The following UEVLD variants were observed in gnomAD, a reference collection of about 807,000 sequenced individuals.
UEVLD encodes UEV and lactate/malate dehyrogenase domains.
Under a neutral mutation model 58.6 loss-of-function variants are expected in UEVLD, and 47 were observed. The ratio of observed to expected loss-of-function variants is 0.80; its 90% CI spans 0.63 to 1.02. UEVLD has a LOEUF of 1.02. UEVLD is among the 50% of genes least tolerant of loss of function. The probability of loss-of-function intolerance (pLI) is 0.00; values close to 1 mark genes in which losing one functional copy is unlikely to be tolerated. For synonymous variants in UEVLD, 197 were observed against 195.3 expected, an observed-to-expected ratio of 1.01 and a Z score of -0.07; for missense variants, 510 against 550.6, an observed-to-expected ratio of 0.93 and a Z score of 0.74.
chr11:18,543,533 A>G (rs1851156221), intron 9 of UEVLD, among the ~76,000 whole-genome samples: 1 of 152,180 alleles, frequency 6.6e-6, no homozygotes, highest in African/African-American at 2.4e-5. Flanking sequence ...CAAACTCCAG[A>G]TGGCCTTTAT....
At chr11:18,533,917 G>C (rs2133950093) in intron 11 of UEVLD, among the ~76,000 whole-genome samples, 1 of 152,322 alleles carries the variant, frequency 6.6e-6, no homozygotes, top group African/African-American at 2.4e-5. Context: ...GCCTCCGAGT[G>C]CTGGGATTAC....
At chr11:18,566,546 T>G in intron 4 of UEVLD, 64 bp from the exon 5 acceptor site, 1 of 1,555,710 alleles carries the variant, frequency 6.4e-7, no homozygotes, top group Admixed American at 1.8e-5. Flanking sequence ...CTACCTTTGT[T>G]GAGGCAGGAG....
chr11:18,537,324 A>ATATAT lies in UEVLD; in HGVS notation c.1061-856_1061-855insATATA, dbSNP rs1160942409. 4.5e-3 allele frequency among the ~76,000 whole-genome samples: 588 copies of ATATAT among 131,548 alleles called. 7 individuals carry two copies. Among genetic ancestry groups the ATATAT allele is most frequent in the East Asian group, 0.013 (61 of 4,606 alleles). The allele number at this position is 131,548 out of a possible 152,430, so 86.3% of individuals were successfully genotyped here. ...TGGAAATTTCTTTATATATATATAT[A>ATATAT]TTTTTTTTTTTTTTTCTTTTTCTTT... On this transcript the variant is annotated intron_variant, in intron 9 of 11. Transcript: ENST00000396197.
intron 7 of UEVLD, 86 bp downstream of exon 7, chr11:18,558,142 C>CT (rs781479081): frequency 1.1e-6 from 1 of 911,434 alleles, no homozygotes; most frequent in Non-Finnish European, 1.6e-6. Context: ...ACAAGGTGAT[C>CT]TTTAAGGTGC....
chr11:18,572,660 T>G lies in UEVLD; in HGVS notation c.194-2283A>C, dbSNP rs915802765. 1.6e-4 allele frequency among the ~76,000 whole-genome samples: 25 copies of G among 152,046 alleles called. 1 individual carries two copies. The highest frequency in any genetic ancestry group is 5.1e-4 in the African/African-American group (21 of 41,488). On this transcript the variant is annotated intron_variant, in intron 3 of 11. Transcript: ENST00000396197. ...TCTCTATTAAAAATACAAAATTAGC[T>G]GGGCATGGTGGTGCACACCAGTAAT...
At chr11:18,586,225 AT>A (rs1853552336) in intron 1 of UEVLD, among the ~76,000 whole-genome samples, 1 of 150,980 alleles carries the variant, frequency 6.6e-6, no homozygotes, top group African/African-American at 2.4e-5. Context: ...ATTTTTTTTT[AT>A]TTTTTTGAGA....
intron 7 of UEVLD, among the ~76,000 whole-genome samples, chr11:18,553,517 A>T (rs1294821932): frequency 6.6e-6 from 1 of 152,156 alleles, no homozygotes; most frequent in Non-Finnish European, 1.5e-5. Flanking sequence ...TCACTTTTGG[A>T]TATACATCCA....
chr11:18,568,371 G>A (rs901981251), intron 4 of UEVLD, among the ~76,000 whole-genome samples: 16 of 152,156 alleles, frequency 1.1e-4, no homozygotes, highest in African/African-American at 2.2e-4. Flanking sequence ...AATACTACTC[G>A]AGGATAGTTT....
intron 7 of UEVLD, among the ~76,000 whole-genome samples, chr11:18,550,268 G>A (rs1851470851): frequency 1.3e-5 from 2 of 152,196 alleles, no homozygotes; most frequent in Admixed American, 6.5e-5. Context: ...TACTATAGGT[G>A]TATGCCACAG....
At chr11:18,578,502 T>C (rs1247954777) in intron 2 of UEVLD, among the ~76,000 whole-genome samples, 1 of 152,234 alleles carries the variant, frequency 6.6e-6, no homozygotes, top group African/African-American at 2.4e-5. Context: ...GTGTGTTTTT[T>C]AAAGCCACTA....
At chr11:18,553,154 CAAAAA>C (rs34297128) in intron 7 of UEVLD, among the ~76,000 whole-genome samples, 3 of 81,554 alleles carry the variant, frequency 3.7e-5, no homozygotes, top group East Asian at 3.6e-4. Context: ...GGTTCCGTCT[CAAAAA>C]AAAAAAAAAA....
intron 1 of UEVLD, among the ~76,000 whole-genome samples, chr11:18,586,854 C>A (rs779301833): frequency 6.6e-5 from 10 of 151,890 alleles, no homozygotes; most frequent in Admixed American, 1.3e-4. Context: ...TATGACGAAA[C>A]CTCGTCGCTA....
chr11:18,586,192 A>G (rs1853549681), intron 1 of UEVLD, among the ~76,000 whole-genome samples: 1 of 152,094 alleles, frequency 6.6e-6, no homozygotes, highest in African/African-American at 2.4e-5. Context: ...AATTATTTCT[A>G]AGTTTTAAAA....
chr11:18,544,933 C>T lies in UEVLD; in HGVS notation c.887-137G>A, dbSNP rs1033076279. On this transcript the variant is annotated intron_variant, in intron 8 of 11. Coordinates refer to ENST00000396197, the MANE Select transcript of UEVLD (RefSeq NM_001040697.4). ...GGCATTATATGTATATATATACACA[C>T]ACACATATATACATATATATACTAT... is the stretch of plus-strand genomic sequence containing the variant. 8.0e-6 allele frequency: 4 copies of T among 500,208 alleles called. No individual in the cohort carries two copies. The African/African-American group carries it at 8.2e-5, about 10-fold the overall frequency. 31.0% of individuals were successfully genotyped at this position (500,208 alleles called of 1,614,324 possible).
At chr11:18,540,272 C>CCTCCTT (rs1850998296) in intron 9 of UEVLD, among the ~76,000 whole-genome samples, 1 of 152,188 alleles carries the variant, frequency 6.6e-6, no homozygotes, top group Non-Finnish European at 1.5e-5. Context: ...ACCTCCTTCA[C>CCTCCTT]AGAGTGTTTA....
chr11:18,554,483 G>A (rs775075576), intron 7 of UEVLD, among the ~76,000 whole-genome samples: 8 of 140,384 alleles, frequency 5.7e-5, no homozygotes, highest in African/African-American at 8.1e-5. Context: ...TGCAACCTCC[G>A]CCTACCAGGT....
chr11:18,558,223 C>A lies in UEVLD; in HGVS notation c.715+5G>T, dbSNP rs751631264. ...GGCATACATCTTTAAGCAGAATAAA[C>A]AGACCTTTGCTGATCTCCACATTAG... On this transcript the variant is annotated splice_donor_5th_base_variant and intron_variant, in intron 7 of 11. Coordinates refer to ENST00000396197, the MANE Select transcript of UEVLD (RefSeq NM_001040697.4). 25 of 1,606,840 alleles carry A rather than the reference C, an allele frequency of 1.6e-5. No individual in the cohort carries two copies. The Admixed American group carries it at 4.1e-4, about 26-fold the overall frequency.
intron 8 of UEVLD, among the ~76,000 whole-genome samples, chr11:18,545,070 C>T (rs7116316): frequency 1.9e-5 from 2 of 103,472 alleles, no homozygotes; most frequent in Non-Finnish European, 4.2e-5. Flanking sequence ...ATATCTATAT[C>T]TATATTTTTT....
rs572945283 is a variant in UEVLD at position 18,529,964 on chromosome 11, C to T, written c.*2356G>A. On this transcript the variant is annotated 3_prime_UTR_variant, in exon 12 of 12. Coordinates refer to ENST00000396197, the MANE Select transcript of UEVLD (RefSeq NM_001040697.4). ...GAGGGCAAAGACTATTATTCATCTT[C>T]GAATAGTCAAATTCTAACACAGTAT... 12 of 152,206 alleles carry T rather than the reference C, an allele frequency of 7.9e-5. No homozygotes were observed. The highest frequency in any genetic ancestry group is 5.8e-4 in the East Asian group (3 of 5,192). 9.4% of individuals were successfully genotyped at this position (152,206 alleles called of 1,614,324 possible). A position where few individuals can be genotyped will look rare whatever the true frequency, so the allele number is the denominator to read the frequency against.
Sources: allele counts gnomAD v4.1 joint callset (sites outside exome capture counted in the v4.1 genomes callset), GRCh38; gene constraint gnomAD v4.1.1; transcripts MANE v1.5; gene names NCBI Gene and HGNC (gene_info 2026-07-23, HGNC 2026-07-21).